Variants in MIA2 observed in about 807,000 individuals in gnomAD.
The protein encoded by MIA2 is MIA SH3 domain ER export factor 2.
A neutral mutation model predicts 167.8 loss-of-function variants in MIA2; 127 were observed. The observed-to-expected ratio is 0.76, with a 90% CI of 0.66 to 0.88. The LOEUF (loss-of-function observed/expected upper bound fraction) is 0.88. Ranked by LOEUF, MIA2 falls within the 40% of genes least tolerant of loss-of-function variation. The probability of loss-of-function intolerance (pLI) is 0.00; values close to 1 mark genes in which losing one functional copy is unlikely to be tolerated. For missense variants in MIA2, 1,690 were observed against 1,624.7 expected, an observed-to-expected ratio of 1.04 and a Z score of -0.69; for synonymous variants, 552 against 541.9, an observed-to-expected ratio of 1.02 and a Z score of -0.26.
At chr14:39,283,482 G>C (rs1595003894) in intron 9 of MIA2, among the ~76,000 whole-genome samples, 1 of 152,216 alleles carries the variant, frequency 6.6e-6, no homozygotes, top group South Asian at 2.1e-4. Context: ...AGAAAACAAT[G>C]TTATTCAAAG....
chr14:39,373,888 G>A (rs1348760582), intron 23 of MIA2, among the ~76,000 whole-genome samples: 2 of 152,174 alleles, frequency 1.3e-5, no homozygotes, highest in African/African-American at 2.4e-5. Flanking sequence ...CTGGCCAGGT[G>A]CAGTGGTTCA....
intron 4 of MIA2, among the ~76,000 whole-genome samples, chr14:39,249,454 T>C (rs1311079758): frequency 1.3e-5 from 2 of 152,056 alleles, no homozygotes; most frequent in African/African-American, 2.4e-5. Flanking sequence ...CCTCTCAAAG[T>C]GCTGGGAATA....
chr14:39,238,832 A>T (rs1305237423), intron 2 of MIA2, among the ~76,000 whole-genome samples: 3 of 150,272 alleles, frequency 2.0e-5, no homozygotes, highest in African/African-American at 7.3e-5. Context: ...AAAAAAACCT[A>T]GCTGATAGAG....
chr14:39,323,094 C>T (rs546623810), intron 24 of MIA2, among the ~76,000 whole-genome samples: 4 of 152,316 alleles, frequency 2.6e-5, no homozygotes, highest in East Asian at 1.9e-4. Flanking sequence ...TGGAACTCTT[C>T]CTTTGGAATT....
At position 39,267,350 on chromosome 14, in the gene MIA2, T is replaced by G. The variant is rs2055998092; in HGVS notation, c.1888-9584T>G. ...CGGCTCCGCAGTGGTCCACTCCGGT[T>G]GCCGGGTGCGGATTCGGGTTCCGGA... is the stretch of plus-strand genomic sequence containing the variant. On this transcript the variant is annotated intron_variant, in intron 6 of 28. Transcript: ENST00000640607. 3.2e-6 allele frequency: 5 copies of G among 1,574,602 alleles called. No homozygotes were observed. In the South Asian group the frequency reaches 5.6e-5, roughly 18 times the overall value.
intron 19 of MIA2, 136 bp downstream of exon 19, chr14:39,313,577 T>A (rs1306194138): frequency 1.0e-5 from 5 of 492,720 alleles, no homozygotes; most frequent in Non-Finnish European, 1.4e-5. Flanking sequence ...AAAAAAATAA[T>A]ATATTTTTGT....
intron 6 of MIA2, among the ~76,000 whole-genome samples, chr14:39,270,228 G>C: frequency 7.9e-6 from 1 of 125,984 alleles, no homozygotes; most frequent in African/African-American, 3.0e-5. Context: ...TTGAGACTGA[G>C]TCTTGCTCTG....
chr14:39,312,330 C>T (rs1478427060), intron 18 of MIA2, among the ~76,000 whole-genome samples: 1 of 152,232 alleles, frequency 6.6e-6, no homozygotes, highest in Non-Finnish European at 1.5e-5. Flanking sequence ...GTCGCACTTT[C>T]GTGCTTTTCC....
chr14:39,358,543 C>T (rs565650513), intron 23 of MIA2, among the ~76,000 whole-genome samples: 1 of 152,286 alleles, frequency 6.6e-6, no homozygotes, highest in South Asian at 2.1e-4. Context: ...CTGAAGCCTT[C>T]TCTCAACCCG....
intron 6 of MIA2, among the ~76,000 whole-genome samples, chr14:39,273,203 G>T (rs530733823): frequency 1.3e-5 from 2 of 149,782 alleles, no homozygotes; most frequent in Non-Finnish European, 3.0e-5. Flanking sequence ...TTGATAGAGC[G>T]GACATTATTG....
At position 39,240,542 on chromosome 14, in the gene MIA2, T is replaced by C. The variant is rs1206908634; in HGVS notation, c.250-19T>C. On this transcript the variant is annotated intron_variant, in intron 2 of 28. Transcript: ENST00000640607. Reference sequence around the variant, plus strand: ...TTTGATCATTCTTCCTCGATAATCTTTGTTCTTCATTTTGACAGAAAGGAA... The same window carrying C: ...TTTGATCATTCTTCCTCGATAATCTCTGTTCTTCATTTTGACAGAAAGGAA... 6.3e-7 allele frequency: 1 copy of C among 1,575,332 alleles called. No individual in the cohort carries two copies. Among genetic ancestry groups the C allele is most frequent in the Non-Finnish European group, 8.7e-7 (1 of 1,146,610 alleles).
At chr14:39,315,619 A>T (rs1298429202) in intron 20 of MIA2, 64 bp from the exon 21 acceptor site, 3 of 1,208,188 alleles carry the variant, frequency 2.5e-6, no homozygotes, top group Non-Finnish European at 2.4e-6. Context: ...ATAGTGGTAG[A>T]TGTGAATGTT....
chr14:39,328,137 C>T (rs926654797), intron 25 of MIA2, among the ~76,000 whole-genome samples: 1 of 152,170 alleles, frequency 6.6e-6, no homozygotes, highest in African/African-American at 2.4e-5. Flanking sequence ...TCTGTAGTTT[C>T]CTGACTTTTT....
At position 39,247,086 on chromosome 14, in the gene MIA2, G is replaced by A; in HGVS notation, c.512G>A (p.Ser171Asn). 3 of 1,607,838 alleles carry A rather than the reference G, an allele frequency of 1.9e-6. No homozygotes were observed. Among genetic ancestry groups the A allele is most frequent in the African/African-American group, 1.3e-5 (1 of 74,570 alleles). ...IEPGFYATYE[S>N]TLFEDQVPAL... Reference sequence around the variant, plus strand: ...CCTGGATTTTATGCAACTTATGAAAGTACTTTGTTTGAAGACCAAGTTCCA... The same window carrying A: ...CCTGGATTTTATGCAACTTATGAAAATACTTTGTTTGAAGACCAAGTTCCA... Residue 171 changes from serine to asparagine, a missense_variant, in exon 4 of 29, where the codon AGT (serine) becomes AAT (asparagine). Physicochemically the swap from Ser to Asn is conservative, Grantham distance 46 (BLOSUM62 1). Coordinates refer to ENST00000640607, the MANE Select transcript of MIA2 (RefSeq NM_001329214.4).
At chr14:39,281,614 T>G (rs951429221) in intron 9 of MIA2, among the ~76,000 whole-genome samples, 15 of 146,058 alleles carry the variant, frequency 1.0e-4, no homozygotes, top group Non-Finnish European at 5.9e-5. Context: ...TTTTGTTTTG[T>G]TTTGGTTTTT....
intron 25 of MIA2, among the ~76,000 whole-genome samples, chr14:39,336,263 C>T (rs939986800): frequency 6.6e-6 from 1 of 152,140 alleles, no homozygotes; most frequent in African/African-American, 2.4e-5. Context: ...TTGGCAACAT[C>T]TGTTATTTTG....
intron 22 of MIA2, 24 bp from the exon 23 acceptor site, chr14:39,319,185 G>A: frequency 7.3e-7 from 1 of 1,368,432 alleles, no homozygotes; most frequent in Non-Finnish European, 1.0e-6. Context: ...GAGTAACTTA[G>A]AGATGTTTGT....
chr14:39,367,737 C>A (rs1169547954), intron 23 of MIA2, among the ~76,000 whole-genome samples: 1 of 152,134 alleles, frequency 6.6e-6, no homozygotes, highest in African/African-American at 2.4e-5. Context: ...TATTTTGGTT[C>A]TTTGTGGAGG....
intron 25 of MIA2, among the ~76,000 whole-genome samples, chr14:39,327,831 G>A (rs1467258630): frequency 6.6e-6 from 1 of 152,138 alleles, no homozygotes; most frequent in African/African-American, 2.4e-5. Flanking sequence ...AGTATTCCAT[G>A]GTGTGTATGT....
Sources: allele counts gnomAD v4.1 joint callset (sites outside exome capture counted in the v4.1 genomes callset), GRCh38; gene constraint gnomAD v4.1.1; transcripts MANE v1.5; gene names NCBI Gene and HGNC (gene_info 2026-07-23, HGNC 2026-07-21).